SCHIP1: variants seen among roughly 807,000 people sequenced by gnomAD.
SCHIP1 encodes schwannomin interacting protein 1.
A neutral mutation model predicts 29.7 loss-of-function variants in SCHIP1; 8 were observed. The ratio of observed to expected loss-of-function variants is 0.27; its 90% CI spans 0.16 to 0.49. The LOEUF (loss-of-function observed/expected upper bound fraction) is 0.49, where lower values mean the gene tolerates loss of function less well. Among genes scored for constraint, SCHIP1 ranks in the 20% least tolerant of loss-of-function variants. The pLI is 0.99. For missense variants in SCHIP1, 193 were observed against 294.6 expected, an observed-to-expected ratio of 0.66 and a Z score of 2.52; for synonymous variants, 76 against 94.9, an observed-to-expected ratio of 0.80 and a Z score of 1.16.
chr3:159,626,156 ATATATC>A, the SCHIP1 span, among the ~76,000 whole-genome samples: 1 of 116,484 alleles, frequency 8.6e-6, no homozygotes, highest in Non-Finnish European at 1.5e-5. Context: ...AGATATATAT[ATATATC>A]TAGATATATC....
the SCHIP1 span, among the ~76,000 whole-genome samples, chr3:159,772,406 G>T: frequency 1.3e-5 from 2 of 152,180 alleles, no homozygotes; most frequent in Non-Finnish European, 2.9e-5. Flanking sequence ...GGCCTCCCAA[G>T]TGCTGGGATT....
the SCHIP1 span, among the ~76,000 whole-genome samples, chr3:159,490,710 T>C: frequency 6.6e-6 from 1 of 152,248 alleles, no homozygotes; most frequent in South Asian, 2.1e-4. Context: ...GGAGAGGAGA[T>C]AAATTCTAAG....
chr3:159,287,764 CT>C, the SCHIP1 span, among the ~76,000 whole-genome samples: 3 of 152,136 alleles, frequency 2.0e-5, no homozygotes, highest in Non-Finnish European at 4.4e-5. Flanking sequence ...CTTTTTCTGA[CT>C]ACATGGAGAG....
the SCHIP1 span, among the ~76,000 whole-genome samples, chr3:159,535,233 C>T: frequency 6.6e-6 from 1 of 152,118 alleles, no homozygotes; most frequent in South Asian, 2.1e-4. Flanking sequence ...TTATGATATC[C>T]AATGACTCTT....
chr3:159,532,412 ACAT>A, the SCHIP1 span, among the ~76,000 whole-genome samples: 5 of 152,160 alleles, frequency 3.3e-5, no homozygotes, highest in African/African-American at 1.2e-4. Context: ...AAAAATCTAA[ACAT>A]CATTTGGTTC....
chr3:159,477,902 C>T, the SCHIP1 span, among the ~76,000 whole-genome samples: 6 of 146,122 alleles, frequency 4.1e-5, no homozygotes, highest in East Asian at 8.0e-4. Flanking sequence ...TTTTACACTT[C>T]GAGGTCTCAT....
the SCHIP1 span, among the ~76,000 whole-genome samples, chr3:159,690,222 G>A: frequency 3.3e-5 from 5 of 152,240 alleles, no homozygotes; most frequent in East Asian, 9.6e-4. Context: ...AATCTGTATG[G>A]TCCTGGACTT....
the SCHIP1 span, among the ~76,000 whole-genome samples, chr3:159,613,152 TGA>T: frequency 6.6e-6 from 1 of 152,208 alleles, no homozygotes; most frequent in South Asian, 2.1e-4. Context: ...ACAAAAAAAT[TGA>T]TTTACTGTAT....
chr3:159,397,542 T>G, the SCHIP1 span, among the ~76,000 whole-genome samples: 2 of 151,930 alleles, frequency 1.3e-5, no homozygotes, highest in Non-Finnish European at 1.5e-5. Flanking sequence ...TTCTAAAAGA[T>G]AGGACCCTCA....
At chr3:159,731,573 G>A in the SCHIP1 span, among the ~76,000 whole-genome samples, 5 of 152,278 alleles carry the variant, frequency 3.3e-5, no homozygotes, top group South Asian at 2.1e-4. Flanking sequence ...AGGATGCAGC[G>A]CAAATGTGTC....
chr3:159,806,866 T>A, the SCHIP1 span, among the ~76,000 whole-genome samples: 4 of 152,114 alleles, frequency 2.6e-5, no homozygotes, highest in Non-Finnish European at 4.4e-5. Flanking sequence ...GTCAGGTAGG[T>A]CATGGGATAG....
chr3:159,823,735 C>T, the SCHIP1 span, among the ~76,000 whole-genome samples: 1 of 152,230 alleles, frequency 6.6e-6, no homozygotes, highest in East Asian at 1.9e-4. Flanking sequence ...CTCTCTACTT[C>T]CATCTGCCCA....
At chr3:159,763,018 A>G in the SCHIP1 span, among the ~76,000 whole-genome samples, 1 of 152,158 alleles carries the variant, frequency 6.6e-6, no homozygotes, top group Non-Finnish European at 1.5e-5. Flanking sequence ...CTTGCCAGGC[A>G]GGAGTCCTTT....
At chr3:159,884,335 A>G (rs1380454452) in intron 2 of SCHIP1, among the ~76,000 whole-genome samples, 3 of 135,100 alleles carry the variant, frequency 2.2e-5, no homozygotes, top group Non-Finnish European at 3.2e-5. Context: ...AAAAATATAT[A>G]TGTGTGTCTG....
the SCHIP1 span, among the ~76,000 whole-genome samples, chr3:159,780,058 G>A: frequency 6.6e-6 from 1 of 152,102 alleles, no homozygotes; most frequent in African/African-American, 2.4e-5. Flanking sequence ...CCTCTTCCGC[G>A]TCATGTGTGA....
chr3:159,572,096 T>G, the SCHIP1 span, among the ~76,000 whole-genome samples: 3 of 152,204 alleles, frequency 2.0e-5, no homozygotes, highest in Non-Finnish European at 4.4e-5. Flanking sequence ...TTGATTTTTT[T>G]GAAGGGTTTT....
At chr3:159,451,559 T>C in the SCHIP1 span, among the ~76,000 whole-genome samples, 1 of 152,320 alleles carries the variant, frequency 6.6e-6, no homozygotes, top group Admixed American at 6.5e-5. Flanking sequence ...GTTGGATTCA[T>C]CTGAAAAAAA....
At chr3:159,497,560 A>G in the SCHIP1 span, among the ~76,000 whole-genome samples, 1 of 151,860 alleles carries the variant, frequency 6.6e-6, no homozygotes, top group African/African-American at 2.4e-5. Flanking sequence ...CACATGGCAG[A>G]ATTAAGATGC....
chr3:159,687,165 A>G, the SCHIP1 span, among the ~76,000 whole-genome samples: 1 of 152,066 alleles, frequency 6.6e-6, no homozygotes, highest in Non-Finnish European at 1.5e-5. Context: ...ATAAATCCCC[A>G]TCTAGGAAGC....
Sources: gnomAD v4.1 joint callset for allele counts (sites outside exome capture counted in the v4.1 genomes callset) on GRCh38, gnomAD v4.1.1 for gene constraint, MANE v1.5 for transcripts, NCBI Gene and HGNC (gene_info 2026-07-23, HGNC 2026-07-21) for gene names.